Variants in VGLL4 observed in about 807,000 individuals in gnomAD.
The protein encoded by VGLL4 is vestigial like family member 4, also known as transcription cofactor vestigial-like protein 4.
In VGLL4, 7 loss-of-function variants were observed where a neutral mutation model predicts 21.0. The ratio of observed to expected loss-of-function variants is 0.33; its 90% CI spans 0.19 to 0.63. The LOEUF (loss-of-function observed/expected upper bound fraction) is 0.63, where lower values mean the gene tolerates loss of function less well. Ranked by LOEUF, VGLL4 falls within the 20% of genes least tolerant of loss-of-function variation. The pLI, the probability that VGLL4 is intolerant of heterozygous loss-of-function variation, is 0.78. For synonymous variants in VGLL4, 222 were observed against 173.2 expected (o/e 1.28, Z -2.21); for missense variants, 394 against 425.7 (o/e 0.93, Z 0.66).
intron 2 of VGLL4, among the ~76,000 whole-genome samples, chr3:11,674,987 C>G (rs1040317435): frequency 3.9e-5 from 6 of 152,162 alleles, no homozygotes; most frequent in Non-Finnish European, 7.3e-5. Context: ...TCATTCATTA[C>G]TAAATGTTCA....
chr3:11,595,931 C>T (rs1354635056), intron 2 of VGLL4, among the ~76,000 whole-genome samples: 3 of 151,436 alleles, frequency 2.0e-5, no homozygotes, highest in Non-Finnish European at 4.4e-5. Flanking sequence ...CATGTATACA[C>T]ATGTAACTAA....
At chr3:11,693,170 CAAAAA>C in intron 2 of VGLL4, 2 of 140,052 alleles carry the variant, frequency 1.4e-5, no homozygotes, top group Non-Finnish European at 3.1e-5. Context: ...GACCCTGTCT[CAAAAA>C]AAAAAAAAGT....
rs1210970468 is a variant in VGLL4 at position 11,661,483 on chromosome 3, A to T, written c.64+41488T>A. ...TATTTATCTATTTATTTATTTATTT[A>T]TTTTTGAGAGGAAGTCTTATTCTAT... On this transcript the variant is annotated intron_variant, in intron 2 of 5. Transcript: ENST00000273038. 7.3e-5 allele frequency among the ~76,000 whole-genome samples: 11 copies of T among 151,264 alleles called. No homozygotes were observed. In the East Asian group the frequency reaches 1.7e-3, roughly 24 times the overall value.
chr3:11,636,413 T>C (rs1164398948), intron 1 of VGLL4, among the ~76,000 whole-genome samples: 2 of 152,250 alleles, frequency 1.3e-5, no homozygotes, highest in East Asian at 3.8e-4. Flanking sequence ...TAATTCTTTT[T>C]CATTCACAAT....
intron 2 of VGLL4, chr3:11,582,377 G>A (rs1007505865): frequency 1.3e-6 from 2 of 1,563,210 alleles, no homozygotes; most frequent in Admixed American, 1.9e-5. Flanking sequence ...AGCAGTCTCA[G>A]GCACAAAACT....
intron 1 of VGLL4, among the ~76,000 whole-genome samples, chr3:11,641,072 G>A (rs923811040): frequency 9.4e-4 from 137 of 146,392 alleles, no homozygotes; most frequent in Middle Eastern, 3.6e-3. Context: ...AGCCAAGATC[G>A]CGCCATTGCA....
intron 3 of VGLL4, among the ~76,000 whole-genome samples, chr3:11,563,230 C>T (rs939756246): frequency 7.2e-5 from 11 of 152,248 alleles, no homozygotes; most frequent in African/African-American, 2.4e-4. Context: ...TCCGAGATTA[C>T]AGCTGAATCC....
At chr3:11,707,358 A>T (rs906581644) in intron 1 of VGLL4, among the ~76,000 whole-genome samples, 2 of 146,346 alleles carry the variant, frequency 1.4e-5, no homozygotes, top group African/African-American at 2.5e-5. Context: ...AAAAAGACGA[A>T]GAAGTTCTGT....
At chr3:11,697,273 GTTT>G (rs376466335) in intron 2 of VGLL4, among the ~76,000 whole-genome samples, 3 of 137,318 alleles carry the variant, frequency 2.2e-5, no homozygotes, top group Non-Finnish European at 1.6e-5. Flanking sequence ...GCTAATTGTG[GTTT>G]TTTTTTTTTT....
chr3:11,616,028 G>A (rs375943587), intron 1 of VGLL4, among the ~76,000 whole-genome samples: 3 of 152,014 alleles, frequency 2.0e-5, no homozygotes, highest in Admixed American at 1.3e-4. Flanking sequence ...CTCCCACCAC[G>A]AGAGATCAGG....
At chr3:11,694,451 T>A (rs2076576442) in intron 2 of VGLL4, among the ~76,000 whole-genome samples, 1 of 152,062 alleles carries the variant, frequency 6.6e-6, no homozygotes, top group South Asian at 2.1e-4. Context: ...TGAAACCCTG[T>A]CTTTACTAAA....
intron 2 of VGLL4, among the ~76,000 whole-genome samples, chr3:11,685,258 G>A (rs569154054): frequency 2.7e-5 from 4 of 150,398 alleles, no homozygotes; most frequent in Non-Finnish European, 5.9e-5. Context: ...GAGTGCAGTG[G>A]TGCGATCTCA....
At position 11,558,280 on chromosome 3, in the gene VGLL4, C is replaced by G. The variant is rs1388918734; in HGVS notation, c.*276G>C. 5.6e-6 allele frequency: 3 copies of G among 540,150 alleles called. No individual in the cohort carries two copies. The highest frequency in any genetic ancestry group is 9.7e-6 in the Non-Finnish European group (3 of 310,678). 33.5% of individuals were successfully genotyped at this position (540,150 alleles called of 1,614,324 possible). On this transcript the variant is annotated 3_prime_UTR_variant, in exon 5 of 5. Coordinates refer to ENST00000430365, the MANE Select transcript of VGLL4 (RefSeq NM_001128219.3). ...CCCCGTCGGGGCAGCAGACCTGCAT[C>G]AGAGGTTTCTTTGGTAACTGAGGCA...
intron 2 of VGLL4, among the ~76,000 whole-genome samples, chr3:11,573,817 G>A (rs2073948562): frequency 6.6e-6 from 1 of 152,182 alleles, no homozygotes; most frequent in Non-Finnish European, 1.5e-5. Context: ...TAACCCCCTA[G>A]GTTCTCTGAA....
intron 2 of VGLL4, among the ~76,000 whole-genome samples, chr3:11,570,750 C>T (rs2073742180): frequency 6.6e-6 from 1 of 152,204 alleles, no homozygotes; most frequent in African/African-American, 2.4e-5. Flanking sequence ...GAGATGTCTT[C>T]TCCCTTTTAG....
At chr3:11,594,514 T>TACACACACACAGGTG (rs1303472041) in intron 2 of VGLL4, among the ~76,000 whole-genome samples, 3 of 152,138 alleles carry the variant, frequency 2.0e-5, no homozygotes, top group African/African-American at 7.2e-5. Context: ...ACTCTAAGTC[T>TACACACACACAGGTG]ACACACACAC....
intron 2 of VGLL4, among the ~76,000 whole-genome samples, chr3:11,680,726 A>AAGGACGCCTGCT (rs2076355990): frequency 6.6e-6 from 1 of 152,316 alleles, no homozygotes; most frequent in African/African-American, 2.4e-5. Flanking sequence ...GCATAATGGA[A>AAGGACGCCTGCT]AGGACGCCTG....
chr3:11,685,907 A>G (rs919378539), intron 2 of VGLL4, among the ~76,000 whole-genome samples: 2 of 152,222 alleles, frequency 1.3e-5, no homozygotes, highest in African/African-American at 4.8e-5. Flanking sequence ...TTTCCAAATC[A>G]GCTATACAAA....
intron 2 of VGLL4, among the ~76,000 whole-genome samples, chr3:11,572,339 T>C (rs2073807080): frequency 6.6e-6 from 1 of 152,142 alleles, no homozygotes; most frequent in African/African-American, 2.4e-5. Context: ...GATTCCAATA[T>C]ATATTGGACT....
Sources: gnomAD v4.1 joint callset for allele counts (sites outside exome capture counted in the v4.1 genomes callset) on GRCh38, gnomAD v4.1.1 for gene constraint, MANE v1.5 for transcripts, NCBI Gene and HGNC (gene_info 2026-07-23, HGNC 2026-07-21) for gene names.